IQCH: variants seen among roughly 807,000 people sequenced by gnomAD.
The protein encoded by IQCH is IQ domain-containing protein H.
IQCH carries 98 observed loss-of-function variants against 117.0 expected under a neutral mutation model. The ratio of observed to expected loss-of-function variants is 0.84; its 90% CI spans 0.71 to 0.99. The LOEUF (loss-of-function observed/expected upper bound fraction) is 0.99. Among genes scored for constraint, IQCH ranks in the 50% least tolerant of loss-of-function variants. IQCH has a pLI of 0.00. For synonymous variants in IQCH, 412 were observed against 448.2 expected, an observed-to-expected ratio of 0.92 and a Z score of 1.02; for missense variants, 1,102 against 1,243.8, an observed-to-expected ratio of 0.89 and a Z score of 1.72.
intron 3 of IQCH, among the ~76,000 whole-genome samples, chr15:67,272,910 A>G (rs982833808): frequency 1.3e-5 from 2 of 152,148 alleles, no homozygotes; most frequent in African/African-American, 4.8e-5. Flanking sequence ...ATCCATTTAC[A>G]TTCAGTCTTA....
intron 1 of IQCH, among the ~76,000 whole-genome samples, chr15:67,256,984 G>C (rs1965246197): frequency 6.6e-6 from 1 of 152,178 alleles, no homozygotes; most frequent in African/African-American, 2.4e-5. Context: ...TGAGTATGTA[G>C]CACCACCCAA....
intron 4 of IQCH, 136 bp downstream of exon 4, chr15:67,279,648 A>G (rs1013800304): frequency 3.7e-6 from 2 of 546,652 alleles, no homozygotes; most frequent in African/African-American, 3.9e-5. Flanking sequence ...AGAATTATAT[A>G]GTGGTGATGA....
At chr15:67,309,229 G>C (rs145487872) in intron 4 of IQCH, among the ~76,000 whole-genome samples, 2 of 152,058 alleles carry the variant, frequency 1.3e-5, no homozygotes, top group Non-Finnish European at 2.9e-5. Context: ...ATTACTATTG[G>C]CAAGTCTCAT....
Position 67,416,056 on chromosome 15 carries a change from C to G in IQCH, c.2098-875C>G, listed in dbSNP as rs1004940616. 2.0e-5 allele frequency among the ~76,000 whole-genome samples: 3 copies of G among 152,010 alleles called. No homozygotes were observed. Among genetic ancestry groups the G allele is most frequent in the Non-Finnish European group, 4.4e-5 (3 of 68,006 alleles). ...CTAGCCTAGGTGACACAGCAAGACC[C>G]TGTCTCAAAAAATTTTTTTTAAAAA... On this transcript the variant is annotated intron_variant, in intron 14 of 20. Transcript: ENST00000335894. The surrounding 1 kb of genome is among the most constrained non-coding windows in gnomAD (Gnocchi z 5.1).
At chr15:67,317,735 A>G (rs1232932758) in intron 4 of IQCH, among the ~76,000 whole-genome samples, 1 of 152,218 alleles carries the variant, frequency 6.6e-6, no homozygotes, top group Non-Finnish European at 1.5e-5. Flanking sequence ...CATAGAAGGT[A>G]CTCAATAAAT....
chr15:67,272,317 T>C (rs1317075152), intron 3 of IQCH, among the ~76,000 whole-genome samples: 1 of 152,186 alleles, frequency 6.6e-6, no homozygotes, highest in Non-Finnish European at 1.5e-5. Context: ...GAGATGTGTT[T>C]TGTGGCCTAA....
At chr15:67,460,843 T>G (rs1334911228) in intron 16 of IQCH, among the ~76,000 whole-genome samples, 1 of 152,198 alleles carries the variant, frequency 6.6e-6, no homozygotes, top group Non-Finnish European at 1.5e-5. Flanking sequence ...AGCCCTAACC[T>G]TCAGTGATAT....
intron 6 of IQCH, among the ~76,000 whole-genome samples, chr15:67,350,951 G>T (rs1969633737): frequency 6.6e-6 from 1 of 152,130 alleles, no homozygotes; most frequent in Non-Finnish European, 1.5e-5. Flanking sequence ...TAAGGAGATG[G>T]CCTGTATGCA....
intron 4 of IQCH, among the ~76,000 whole-genome samples, chr15:67,280,997 C>G (rs1017112711): frequency 2.6e-5 from 4 of 152,038 alleles, no homozygotes; most frequent in Non-Finnish European, 5.9e-5. Context: ...AGGCACCCAC[C>G]ACCACGCCCG....
chr15:67,321,232 C>T (rs576964898), intron 4 of IQCH, among the ~76,000 whole-genome samples: 18 of 152,260 alleles, frequency 1.2e-4, no homozygotes, highest in African/African-American at 4.1e-4. Flanking sequence ...CAGATGCCCA[C>T]GCTTCAGATA....
chr15:67,306,324 A>G (rs772313566), intron 4 of IQCH, among the ~76,000 whole-genome samples: 1 of 152,134 alleles, frequency 6.6e-6, no homozygotes, highest in Non-Finnish European at 1.5e-5. Context: ...ACTTACCCAA[A>G]CTAGAGTAAT....
At position 67,370,418 on chromosome 15, in the gene IQCH, A is replaced by G. The variant is rs1031981911; in HGVS notation, c.754-1693A>G. Among the ~76,000 whole-genome samples, 2 of 152,194 alleles carry G rather than the reference A, an allele frequency of 1.3e-5. No individual in the cohort carries two copies. The highest frequency in any genetic ancestry group is 1.3e-4 in the Admixed American group (2 of 15,284). Reference sequence around the variant, plus strand: ...CATGTCTGTTTCTCACTGATGAAGCACTGTCATTCTTCTCTGAATTCTAAT... The same window carrying G: ...CATGTCTGTTTCTCACTGATGAAGCGCTGTCATTCTTCTCTGAATTCTAAT... On this transcript the variant is annotated intron_variant, in intron 8 of 20. Coordinates refer to ENST00000335894, the MANE Select transcript of IQCH (RefSeq NM_001031715.3). The surrounding 1 kb of genome is among the most constrained non-coding windows in gnomAD (Gnocchi z 5.6).
chr15:67,480,914 T>G, intron 18 of IQCH, among the ~76,000 whole-genome samples: 1 of 152,096 alleles, frequency 6.6e-6, no homozygotes, highest in East Asian at 1.9e-4. Flanking sequence ...TATGAGCTTC[T>G]GAATGAATCA....
At chr15:67,294,284 T>G (rs953287324) in intron 4 of IQCH, among the ~76,000 whole-genome samples, 1 of 152,202 alleles carries the variant, frequency 6.6e-6, no homozygotes, top group Non-Finnish European at 1.5e-5. Context: ...TCAGCTAGAT[T>G]AGATGCCATG....
chr15:67,493,104 G>A lies in IQCH; in HGVS notation c.2862-1154G>A, dbSNP rs898227246. On this transcript the variant is annotated intron_variant, in intron 19 of 20. Coordinates refer to ENST00000335894, the MANE Select transcript of IQCH (RefSeq NM_001031715.3). The surrounding 1 kb of genome is among the most constrained non-coding windows in gnomAD (Gnocchi z 5.1). ...TTGCTATTCACACATCCTTCAGGGA[G>A]GGCACAGTTGACATGGACCTCTCGA... 6.6e-6 allele frequency among the ~76,000 whole-genome samples: 1 copy of A among 152,158 alleles called. No individual in the cohort carries two copies. The highest frequency in any genetic ancestry group is 1.5e-5 in the Non-Finnish European group (1 of 68,018).
chr15:67,392,605 G>A (rs1033016324), intron 12 of IQCH, among the ~76,000 whole-genome samples: 9 of 151,720 alleles, frequency 5.9e-5, no homozygotes, highest in African/African-American at 1.2e-4. Context: ...GACAGAACTC[G>A]GTCTCTACAA....
Position 67,493,276 on chromosome 15 carries a change from T to C in IQCH, c.2862-982T>C, listed in dbSNP as rs1244141910. On this transcript the variant is annotated intron_variant, in intron 19 of 20. Transcript: ENST00000335894. This position sits in a 1 kb window ranked among gnomAD's most constrained non-coding sequence, Gnocchi z 5.1. ...GAAACTGAGGCTTAGAGAGGGGCAA[T>C]GATTTGCCTGGGTCACACAGTAGGT... 6.6e-6 allele frequency among the ~76,000 whole-genome samples: 1 copy of C among 152,178 alleles called. No homozygotes were observed. Among genetic ancestry groups the C allele is most frequent in the Non-Finnish European group, 1.5e-5 (1 of 68,020 alleles).
chr15:67,392,211 C>A (rs897247114), intron 12 of IQCH, among the ~76,000 whole-genome samples: 6 of 152,190 alleles, frequency 3.9e-5, no homozygotes, highest in Non-Finnish European at 8.8e-5. Flanking sequence ...AGGCTTTGAT[C>A]TTGTGAACTT....
intron 14 of IQCH, among the ~76,000 whole-genome samples, chr15:67,414,233 C>G (rs2081518807): frequency 6.6e-6 from 1 of 152,228 alleles, no homozygotes; most frequent in African/African-American, 2.4e-5. Flanking sequence ...ATGTTTACCA[C>G]CATCGTGACT....
Sources: gnomAD v4.1 joint callset for allele counts (sites outside exome capture counted in the v4.1 genomes callset) on GRCh38, gnomAD v4.1.1 for gene constraint, Gnocchi (gnomAD v3.1) non-coding constraint, MANE v1.5 for transcripts, NCBI Gene and HGNC (gene_info 2026-07-23, HGNC 2026-07-21) for gene names.